DAPK1: variants seen among roughly 807,000 people sequenced by gnomAD.
DAPK1 encodes the protein death associated protein kinase 1.
DAPK1 carries 56 observed loss-of-function variants against 144.9 expected under a neutral mutation model. The ratio of observed to expected loss-of-function variants is 0.39; its 90% CI spans 0.31 to 0.48. The LOEUF (loss-of-function observed/expected upper bound fraction) is 0.48. DAPK1 is among the 20% of genes least tolerant of loss of function. DAPK1 has a pLI of 0.95. For missense variants in DAPK1, 1,454 were observed against 1,875.4 expected (o/e 0.78, Z 4.15); for synonymous variants, 690 against 749.0 (o/e 0.92, Z 1.29).
chr9:87,628,951 A>C (rs968243807), intron 3 of DAPK1, among the ~76,000 whole-genome samples: 4 of 152,152 alleles, frequency 2.6e-5, no homozygotes, highest in African/African-American at 9.7e-5. Flanking sequence ...TTATTTCCTG[A>C]ATTGCTTTAG....
chr9:87,690,949 A>T (rs1025807258), intron 21 of DAPK1, among the ~76,000 whole-genome samples: 2 of 151,926 alleles, frequency 1.3e-5, no homozygotes, highest in Admixed American at 6.6e-5. Flanking sequence ...ATCTGTGTTT[A>T]TCAGGGATCT....
Position 87,706,064 on chromosome 9 carries a change from C to A in DAPK1, c.3061-68C>A, listed in dbSNP as rs755968187. On this transcript the variant is annotated intron_variant, in intron 25 of 25. Coordinates refer to ENST00000408954, the MANE Select transcript of DAPK1 (RefSeq NM_004938.4). This position sits in a 1 kb window ranked among gnomAD's most constrained non-coding sequence, Gnocchi z 9.0. Reference sequence around the variant, plus strand: ...GTTGCCGGCATCAGGCCCTTTAGTGCTCTAAGTGGCTGGTGCACCTGGCCA... The same window carrying A: ...GTTGCCGGCATCAGGCCCTTTAGTGATCTAAGTGGCTGGTGCACCTGGCCA... 175 of 1,206,438 alleles carry A rather than the reference C, an allele frequency of 1.5e-4. 1 individual carries two copies. Among genetic ancestry groups the A allele is most frequent in the Non-Finnish European group, 2.0e-4 (167 of 838,200 alleles). 74.7% of individuals were successfully genotyped at this position (1,206,438 alleles called of 1,614,324 possible). A position where few individuals can be genotyped will look rare whatever the true frequency, so the allele number is the denominator to read the frequency against.
chr9:87,511,258 C>T (rs981720071), intron 2 of DAPK1, among the ~76,000 whole-genome samples: 3 of 152,240 alleles, frequency 2.0e-5, no homozygotes, highest in South Asian at 2.1e-4. Context: ...GTTTATGTGC[C>T]GAGCTCTCTT....
intron 2 of DAPK1, among the ~76,000 whole-genome samples, chr9:87,596,966 C>A (rs1166637984): frequency 6.6e-6 from 1 of 152,124 alleles, no homozygotes; most frequent in African/African-American, 2.4e-5. Flanking sequence ...CTTGATGGCC[C>A]AGATGTCCAT....
chr9:87,681,561 G>T lies in DAPK1; in HGVS notation c.2159G>T (p.Arg720Leu). Reference protein sequence around the residue: ...GLLRSFFRRRRPRLSSTNSSR... With the variant: ...GLLRSFFRRRLPRLSSTNSSR... ...CTGAGGAGCTTTTTCAGAAGGCGTC[G>T]GCCCAGACTGTCTTCCACCAACTCC... The change falls in exon 20 of 26, where the codon CGG (arginine) becomes CTG (leucine). Residue 720 changes from arginine (R) to leucine (L), a missense_variant. By Grantham distance (102) the Arg-to-Leu change is moderately radical (BLOSUM62 -2). Coordinates refer to ENST00000408954, the MANE Select transcript of DAPK1 (RefSeq NM_004938.4). 1.2e-6 allele frequency: 2 copies of T among 1,612,916 alleles called. No homozygotes were observed. The highest frequency in any genetic ancestry group is 1.7e-6 in the Non-Finnish European group (2 of 1,178,942).
intron 8 of DAPK1, 40 bp downstream of exon 8, chr9:87,640,490 T>A (rs773150408): frequency 6.2e-7 from 1 of 1,601,426 alleles, no homozygotes; most frequent in South Asian, 1.1e-5. Context: ...GGCCACGGCC[T>A]CAGCCAGCCC....
chr9:87,688,111 T>C (rs1824930869), intron 21 of DAPK1, among the ~76,000 whole-genome samples: 2 of 137,104 alleles, frequency 1.5e-5, no homozygotes, highest in African/African-American at 2.7e-5. Flanking sequence ...CCTCTAGTAG[T>C]CCCCAGTTAC....
chr9:87,686,620 T>TCGAGC lies in DAPK1; in HGVS notation c.2297_2301dup (p.Gly768SerfsTer38). ...AGTGTGAGGAGCCGCAGCATGATGT[T>TCGAGC]CGAGCCGGGTCTTACCAAAGGGATG... On this transcript the variant is annotated frameshift_variant, in exon 21 of 26. Coordinates refer to ENST00000408954, the MANE Select transcript of DAPK1 (RefSeq NM_004938.4). LOFTEE classifies it high-confidence loss of function. This position sits in a 1 kb window ranked among gnomAD's most constrained non-coding sequence, Gnocchi z 4.2. 6.2e-7 allele frequency: 1 copy of TCGAGC among 1,609,568 alleles called. No individual in the cohort carries two copies. The highest frequency in any genetic ancestry group is 8.5e-7 in the Non-Finnish European group (1 of 1,177,226).
At position 87,610,706 on chromosome 9, in the gene DAPK1, G is replaced by A. The variant is rs1828892726; in HGVS notation, c.284+5531G>A. ...AAGCCTCAGTGTCAGGGATGCACCA[G>A]CCGTGGAGACTGTGGCCCACTGGAG... On this transcript the variant is annotated intron_variant, in intron 3 of 25. Coordinates refer to ENST00000408954, the MANE Select transcript of DAPK1 (RefSeq NM_004938.4). Among the ~76,000 whole-genome samples, 5 of 152,346 alleles carry A rather than the reference G, an allele frequency of 3.3e-5. No homozygotes were observed. In the South Asian group the frequency reaches 1.0e-3, roughly 32 times the overall value.
rs1280244737 is a variant in DAPK1, at chr9:87,647,301, G to A, written c.1231-4G>A. On this transcript the variant is annotated splice_region_variant and splice_polypyrimidine_tract_variant and intron_variant, in intron 13 of 25. Coordinates refer to ENST00000408954, the MANE Select transcript of DAPK1 (RefSeq NM_004938.4). Reference sequence around the variant, plus strand: ...AATGTGACCCCAGGTTGATTTTCCTGCAGGGCGGGTCCAATGCCGTCTACT... The same window carrying A: ...AATGTGACCCCAGGTTGATTTTCCTACAGGGCGGGTCCAATGCCGTCTACT... 1 of 1,613,830 alleles carries A rather than the reference G, an allele frequency of 6.2e-7. No homozygotes were observed. Among genetic ancestry groups the A allele is most frequent in the Non-Finnish European group, 8.5e-7 (1 of 1,179,734 alleles).
intron 2 of DAPK1, among the ~76,000 whole-genome samples, chr9:87,601,228 G>A (rs568828518): frequency 2.0e-5 from 3 of 152,344 alleles, no homozygotes; most frequent in African/African-American, 7.2e-5. Flanking sequence ...CCAGGAGTCT[G>A]TCCTCACAGT....
intron 2 of DAPK1, among the ~76,000 whole-genome samples, chr9:87,570,597 C>A: frequency 6.6e-6 from 1 of 152,188 alleles, no homozygotes; most frequent in East Asian, 1.9e-4. Flanking sequence ...GAACTGTAGT[C>A]TATGTGACAC....
intron 17 of DAPK1, among the ~76,000 whole-genome samples, chr9:87,655,603 A>G (rs1277454354): frequency 1.3e-5 from 2 of 152,154 alleles, no homozygotes; most frequent in South Asian, 2.1e-4. Flanking sequence ...TGGCCATTCA[A>G]ATCCTACCCT....
chr9:87,630,599 A>G (rs1829643104), intron 3 of DAPK1, among the ~76,000 whole-genome samples: 1 of 152,176 alleles, frequency 6.6e-6, no homozygotes, highest in Admixed American at 6.5e-5. Flanking sequence ...CTGAAATGGC[A>G]CACATCATTT....
chr9:87,644,740 G>A (rs1457387390), intron 11 of DAPK1, among the ~76,000 whole-genome samples: 1 of 152,196 alleles, frequency 6.6e-6, no homozygotes, highest in African/African-American at 2.4e-5. Context: ...GTGTCACAGT[G>A]AAAAGTTTAG....
At chr9:87,612,187 C>A (rs1271364439) in intron 3 of DAPK1, among the ~76,000 whole-genome samples, 1 of 152,186 alleles carries the variant, frequency 6.6e-6, no homozygotes. Context: ...AACACTCTTA[C>A]AATGGCAATT....
rs1272655750 is a variant in DAPK1 at position 87,708,042 on chromosome 9, G to A, written c.*678G>A. ...TTTTGTTTTGTATTGTTTTCTGACA[G>A]TTTTTCTGTTTTGTTTGGCAAGGAA... is the stretch of plus-strand genomic sequence containing the variant. On this transcript the variant is annotated 3_prime_UTR_variant, in exon 26 of 26. Coordinates refer to ENST00000408954, the MANE Select transcript of DAPK1 (RefSeq NM_004938.4). The A allele has an allele frequency of 3.3e-6, 1 of 301,468 alleles. No homozygotes were observed. Among genetic ancestry groups the A allele is most frequent in the Non-Finnish European group, 6.5e-6 (1 of 154,024 alleles). 18.7% of individuals were successfully genotyped at this position (301,468 alleles called of 1,614,324 possible).
At position 87,605,011 on chromosome 9, in the gene DAPK1, C is replaced by T. The variant is rs374777068; in HGVS notation, c.120C>T (p.Ala40=). ...AGAAAAGCACCGGCCTCCAGTATGC[C>T]GCCAAATTCATCAAGAAAAGGAGGA... The part of the protein sequence containing the change: ...CREKSTGLQY[A]AKFIKKRRTK... The change falls in exon 3 of 26, where the codon GCC becomes GCT. Residue 40 remains alanine (A), a synonymous_variant. Transcript: ENST00000408954. The T allele has an allele frequency of 6.8e-6, 11 of 1,614,014 alleles. No individual in the cohort carries two copies. The African/African-American group carries it at 1.1e-4, about 16-fold the overall frequency.
chr9:87,544,988 G>A (rs7036781), intron 2 of DAPK1, among the ~76,000 whole-genome samples: 68,549 of 151,978 alleles, frequency 0.45, 15,812 homozygotes, highest in African/African-American at 0.55. Flanking sequence ...CCTGAGGACA[G>A]GCCCATCTTC....
Sources: gnomAD v4.1 joint callset for allele counts (sites outside exome capture counted in the v4.1 genomes callset) on GRCh38, gnomAD v4.1.1 for gene constraint, Gnocchi (gnomAD v3.1) non-coding constraint, MANE v1.5 for transcripts, NCBI Gene and HGNC (gene_info 2026-07-23, HGNC 2026-07-21) for gene names.